Variants in VAMP4 observed in about 807,000 individuals in gnomAD.
VAMP4 encodes vesicle associated membrane protein 4.
Under a neutral mutation model 23.5 loss-of-function variants are expected in VAMP4, and 19 were observed. The ratio of observed to expected loss-of-function variants is 0.81; its 90% confidence interval spans 0.56 to 1.19. The LOEUF (loss-of-function observed/expected upper bound fraction) is 1.19, where lower values mean the gene tolerates loss of function less well. Among genes scored for constraint, VAMP4 ranks in the 50% most tolerant of loss-of-function variants. VAMP4 has a pLI of 0.00. For synonymous variants in VAMP4, 31 were observed against 51.0 expected (o/e 0.61, Z 1.67); for missense variants, 145 against 168.6 (o/e 0.86, Z 0.78).
At chr1:171,728,264 C>T (rs1236181665) in intron 3 of VAMP4, among the ~76,000 whole-genome samples, 1 of 152,168 alleles carries the variant, frequency 6.6e-6, no homozygotes, top group Non-Finnish European at 1.5e-5. Flanking sequence ...TTATCAACAT[C>T]TTCTTGGCTT....
chr1:171,728,895 C>T (rs945566746), intron 2 of VAMP4, among the ~76,000 whole-genome samples: 7 of 152,200 alleles, frequency 4.6e-5, no homozygotes, highest in Non-Finnish European at 8.8e-5. Flanking sequence ...CTGCCAGTGT[C>T]TGTCTACTGG....
intron 2 of VAMP4, 77 bp from the exon 3 acceptor site, chr1:171,728,647 G>C: frequency 1.5e-6 from 2 of 1,365,388 alleles, no homozygotes; most frequent in Non-Finnish European, 2.0e-6. Context: ...AATGAAATAA[G>C]TCCTATACTA....
chr1:171,716,776 G>GT (rs1655032247), intron 4 of VAMP4, among the ~76,000 whole-genome samples: 1 of 152,166 alleles, frequency 6.6e-6, no homozygotes, highest in Non-Finnish European at 1.5e-5. Flanking sequence ...TTTGTCATTG[G>GT]GTAAGTTGTG....
At chr1:171,708,136 TA>T (rs1654719941) in intron 6 of VAMP4, among the ~76,000 whole-genome samples, 2 of 151,738 alleles carry the variant, frequency 1.3e-5, no homozygotes, top group African/African-American at 2.4e-5. Flanking sequence ...CCGTCTCTAC[TA>T]AAAATACAAA....
At chr1:171,714,237 A>G (rs1654955447) in intron 4 of VAMP4, among the ~76,000 whole-genome samples, 1 of 152,206 alleles carries the variant, frequency 6.6e-6, no homozygotes, top group Non-Finnish European at 1.5e-5. Context: ...TGGTTTACAA[A>G]GCAAGTGATA....
intron 4 of VAMP4, among the ~76,000 whole-genome samples, chr1:171,716,879 G>A (rs969451049): frequency 6.6e-6 from 1 of 152,100 alleles, no homozygotes; most frequent in Non-Finnish European, 1.5e-5. Flanking sequence ...CTTGATGAAC[G>A]ACCTTATTCT....
chr1:171,725,197 G>A (rs893390605), intron 3 of VAMP4, among the ~76,000 whole-genome samples: 1 of 152,074 alleles, frequency 6.6e-6, no homozygotes, highest in South Asian at 2.1e-4. Flanking sequence ...TTTTATGACT[G>A]GCTTCTTTTA....
At chr1:171,710,897 G>T in intron 4 of VAMP4, 83 bp from the exon 5 acceptor site, 1 of 944,858 alleles carries the variant, frequency 1.1e-6, no homozygotes, top group Non-Finnish European at 1.6e-6. Context: ...ACATAATAAA[G>T]AATAGCAAAT....
chr1:171,738,665 A>G (rs1425249787), intron 1 of VAMP4, among the ~76,000 whole-genome samples: 1 of 152,216 alleles, frequency 6.6e-6, no homozygotes, highest in African/African-American at 2.4e-5. Context: ...AATTATGAGA[A>G]AATGGATGTA....
At chr1:171,717,446 C>G (rs552731550) in intron 4 of VAMP4, among the ~76,000 whole-genome samples, 14 of 152,228 alleles carry the variant, frequency 9.2e-5, no homozygotes, top group Admixed American at 9.2e-4. Flanking sequence ...TTCCATCCAC[C>G]TCCCTGTTTC....
intron 1 of VAMP4, among the ~76,000 whole-genome samples, chr1:171,738,870 G>A (rs1002250585): frequency 6.6e-6 from 1 of 152,148 alleles, no homozygotes; most frequent in Non-Finnish European, 1.5e-5. Context: ...AGTTTCCTCA[G>A]GTGTAAAATA....
At position 171,738,426 on chromosome 1, in the gene VAMP4, G is replaced by A; in HGVS notation, c.-12C>T. 1 of 1,613,674 alleles carries A rather than the reference G, an allele frequency of 6.2e-7. No homozygotes were observed. The highest frequency in any genetic ancestry group is 1.1e-5 in the South Asian group (1 of 91,060). ...AACTTGGGAGGCATATTTTTTACTT[G>A]CAAAGTATCTTTTGCTTCTCAACAG... is the stretch of plus-strand genomic sequence containing the variant. On this transcript the variant is annotated 5_prime_UTR_variant, in exon 2 of 8. Coordinates refer to ENST00000236192, the MANE Select transcript of VAMP4 (RefSeq NM_003762.5).
Position 171,719,165 on chromosome 1 carries a change from A to G in VAMP4, c.164+6T>C. The G allele has an allele frequency of 6.2e-7, 1 of 1,610,888 alleles. No individual in the cohort carries two copies. The highest frequency in any genetic ancestry group is 8.5e-7 in the Non-Finnish European group (1 of 1,178,492). On this transcript the variant is annotated splice_donor_region_variant and intron_variant, in intron 4 of 7. Coordinates refer to ENST00000236192, the MANE Select transcript of VAMP4 (RefSeq NM_003762.5). ...ATTATCATTTAAACAAATGAACAAA[A>G]CTTACTGCTTAATTTTATCATTTCT...
In VAMP4 at chr1:171,737,212, C is replaced by A. The variant is rs1229352502; in HGVS notation, c.66+1137G>T. ...ACAGACTATGTCTTCCAATTTTTAG[C>A]CCAGTGCCTAGCACATAGGAGGTGG... On this transcript the variant is annotated intron_variant, in intron 2 of 7. Coordinates refer to ENST00000236192, the MANE Select transcript of VAMP4 (RefSeq NM_003762.5). 2.6e-5 allele frequency among the ~76,000 whole-genome samples: 4 copies of A among 152,202 alleles called. No individual in the cohort carries two copies. The East Asian group carries it at 7.7e-4, about 29-fold the overall frequency.
intron 3 of VAMP4, 73 bp downstream of exon 3, chr1:171,728,451 T>A: frequency 8.0e-7 from 1 of 1,255,264 alleles, no homozygotes; most frequent in African/African-American, 1.5e-5. Flanking sequence ...TCAAAATGTA[T>A]ACAGTATATT....
intron 7 of VAMP4, 57 bp from the exon 8 acceptor site, chr1:171,704,591 T>G: frequency 7.5e-7 from 1 of 1,338,490 alleles, no homozygotes; most frequent in Non-Finnish European, 1.0e-6. Flanking sequence ...TATGCTATGT[T>G]TGAAGCAATA....
intron 2 of VAMP4, 68 bp from the exon 3 acceptor site, chr1:171,728,638 A>C: frequency 6.8e-7 from 1 of 1,466,230 alleles, no homozygotes; most frequent in Non-Finnish European, 9.2e-7. Context: ...CAGAGGAGTA[A>C]TGAAATAAGT....
At chr1:171,731,048 C>A (rs1255552295) in intron 2 of VAMP4, among the ~76,000 whole-genome samples, 188 of 146,864 alleles carry the variant, frequency 1.3e-3, no homozygotes, top group African/African-American at 2.0e-3. Flanking sequence ...ACTAAAAATA[C>A]AAAAAAACAA....
chr1:171,738,249 T>G (rs1655803885), intron 2 of VAMP4, 100 bp downstream of exon 2: 1 of 1,381,196 alleles, frequency 7.2e-7, no homozygotes, highest in Non-Finnish European at 1.0e-6. Flanking sequence ...ATTGCAGGCA[T>G]GAGCAACCAC....
Sources: allele counts gnomAD v4.1 joint callset (sites outside exome capture counted in the v4.1 genomes callset), GRCh38; gene constraint gnomAD v4.1.1; transcripts MANE v1.5; gene names NCBI Gene and HGNC (gene_info 2026-07-23, HGNC 2026-07-21).